SLITRK5: variants seen among roughly 807,000 people sequenced by gnomAD.
SLITRK5 encodes the protein SLIT and NTRK-like protein 5.
Under a neutral mutation model 56.2 loss-of-function variants are expected in SLITRK5, and 23 were observed. That is an observed-to-expected ratio of 0.41 (90% CI 0.29 to 0.58). The LOEUF (loss-of-function observed/expected upper bound fraction) is 0.58. SLITRK5 is among the 20% of genes least tolerant of loss of function. The pLI is 0.30. For missense variants in SLITRK5, 1,289 were observed against 1,226.6 expected (o/e 1.05, Z -0.76); for synonymous variants, 637 against 531.8 (o/e 1.20, Z -2.72).
Position 87,679,192 on chromosome 13 carries a change from AT to A in SLITRK5, c.*931del, listed in dbSNP as rs1877434570. 3 of 167,096 alleles carry A rather than the reference AT, an allele frequency of 1.8e-5. No individual in the cohort carries two copies. In the South Asian group the frequency reaches 6.2e-4, roughly 35 times the overall value. The allele number at this position is 167,096 out of a possible 1,614,324, so 10.4% of individuals were successfully genotyped here. ...ATGCAACCCACCCAATTGAATCTGCATTTTCTTTTAAGAAAACAGAGCTGAT... is the reference window on the plus strand; with the variant it reads ...ATGCAACCCACCCAATTGAATCTGCATTTCTTTTAAGAAAACAGAGCTGAT... On this transcript the variant is annotated 3_prime_UTR_variant, in exon 2 of 2. Coordinates refer to ENST00000683689, the MANE Select transcript of SLITRK5 (RefSeq NM_001384609.1).
rs767330718 is a variant in SLITRK5 at position 87,677,743 on chromosome 13, C to G, written c.2355C>G (p.Thr785=). The change falls in exon 2 of 2, where the codon ACC becomes ACG. Residue 785 remains threonine, a synonymous_variant. Transcript: ENST00000683689. The surrounding 1 kb of genome is among the most constrained non-coding windows in gnomAD (Gnocchi z 4.7). ...AAGACCTGCACGAGCTCAAGGTCAC[C>G]TACAGCAGCAACCACCACCTGCAGC... ...DYKDLHELKV[T]YSSNHHLQQQ... 3.0e-5 allele frequency: 48 copies of G among 1,612,858 alleles called. 1 individual carries two copies. The South Asian group carries it at 5.3e-4, about 18-fold the overall frequency.
In SLITRK5 at chr13:87,677,599, G is replaced by A; in HGVS notation, c.2211G>A (p.Ala737=). The change falls in exon 2 of 2, where the codon GCG becomes GCA. Residue 737 remains alanine, a synonymous_variant. Coordinates refer to ENST00000683689, the MANE Select transcript of SLITRK5 (RefSeq NM_001384609.1). The surrounding 1 kb of genome is among the most constrained non-coding windows in gnomAD (Gnocchi z 4.7). ...PHAHVHHRGP[A]LPKVKTPAGH... ...CGCACGTGCATCACCGCGGGCCCGC[G>A]CTGCCCAAGGTGAAGACGCCCGCGG... The A allele has an allele frequency of 1.2e-6, 2 of 1,609,690 alleles. No individual in the cohort carries two copies. The highest frequency in any genetic ancestry group is 1.7e-6 in the Non-Finnish European group (2 of 1,177,102).
In SLITRK5 at chr13:87,675,512, G is replaced by T; in HGVS notation, c.124G>T (p.Asp42Tyr). ...SLVLSCAETIDYYGEICDNAC... is the reference protein window; with the variant it reads ...SLVLSCAETIYYYGEICDNAC... ...CGTCCTTTCGTGTGCAGAAACCATC[G>T]ATTATTATGGGGAAATCTGTGACAA... The change falls in exon 2 of 2, where the codon GAT becomes TAT. Residue 42 changes from aspartate (D) to tyrosine (Y), a missense_variant. This residue lies in a region of SLITRK5 where 291 missense variants were observed against 286.7 expected (regional missense o/e 1.02). Coordinates refer to ENST00000683689, the MANE Select transcript of SLITRK5 (RefSeq NM_001384609.1). The T allele has an allele frequency of 6.2e-7, 1 of 1,614,118 alleles. No homozygotes were observed.
At chr13:87,675,156 G>C (rs558256459) in intron 1 of SLITRK5, among the ~76,000 whole-genome samples, 104 of 152,210 alleles carry the variant, frequency 6.8e-4, no homozygotes, top group African/African-American at 2.4e-3. Context: ...CAGCATATTT[G>C]TGGTGTGCTC....
At position 87,672,158 on chromosome 13, in the gene SLITRK5, G is replaced by T. The variant is rs1027063904; in HGVS notation, c.-60G>T. ...GAGGAGCCAGAGGAGGCTGGAGGGG[G>T]CGGCGGCCACAGCTGGGTCGGAGAA... On this transcript the variant is annotated 5_prime_UTR_variant, in exon 1 of 2. Coordinates refer to ENST00000683689, the MANE Select transcript of SLITRK5 (RefSeq NM_001384609.1). Among the ~76,000 whole-genome samples, 1 of 152,136 alleles carries T rather than the reference G, an allele frequency of 6.6e-6. No homozygotes were observed. Among genetic ancestry groups the T allele is most frequent in the African/African-American group, 2.4e-5 (1 of 41,448 alleles).
In SLITRK5 at chr13:87,676,015, G is replaced by A. The variant is rs1401084846; in HGVS notation, c.627G>A (p.Gly209=). 5 of 1,614,114 alleles carry A rather than the reference G, an allele frequency of 3.1e-6. No homozygotes were observed. The highest frequency in any genetic ancestry group is 1.7e-5 in the Admixed American group (1 of 60,022). ...CCTTAACGCACTTGGACCTCCGGGG[G>A]AACCGGCTGAAACTTCTGCCCTACG... ...FVPLTHLDLR[G]NRLKLLPYVG... is the part of the protein sequence containing the mutation. The change falls in exon 2 of 2, where the codon GGG becomes GGA. Residue 209 remains glycine, a synonymous_variant. Coordinates refer to ENST00000683689, the MANE Select transcript of SLITRK5 (RefSeq NM_001384609.1).
chr13:87,677,440 C>T lies in SLITRK5; in HGVS notation c.2052C>T (p.Leu684=). ...TGTCCGTCTTCGTGGCCGCCGGGCT[C>T]TTCGTGCTGGTCATGAAGCGCAGGA... The part of the protein sequence containing the change: ...FIMSVFVAAG[L]FVLVMKRRKK... Residue 684 remains leucine, a synonymous_variant, in exon 2 of 2, where the codon CTC becomes CTT. Transcript: ENST00000683689. This position sits in a 1 kb window ranked among gnomAD's most constrained non-coding sequence, Gnocchi z 4.7. The T allele has an allele frequency of 2.5e-6, 4 of 1,613,210 alleles. No individual in the cohort carries two copies. Among genetic ancestry groups the T allele is most frequent in the Non-Finnish European group, 3.4e-6 (4 of 1,180,018 alleles).
At position 87,677,139 on chromosome 13, in the gene SLITRK5, G is replaced by C. The variant is rs1264002973; in HGVS notation, c.1751G>C (p.Gly584Ala). Reference sequence around the variant, plus strand: ...CTGTGGGTGGAGCAGCTCAAAGTGGGCGTCCTAGTGGACGAGGTGATCTGT... The same window carrying C: ...CTGTGGGTGGAGCAGCTCAAAGTGGCCGTCCTAGTGGACGAGGTGATCTGT... The part of the protein sequence containing the change: ...MKLWVEQLKV[G>A]VLVDEVICKA... Residue 584 changes from glycine (G) to alanine (A), a missense_variant, in exon 2 of 2, where the codon GGC becomes GCC. Around this residue, in one of 3 missense-constraint regions of SLITRK5, gnomAD observed 985 missense variants for 906.0 expected, o/e 1.09. Coordinates refer to ENST00000683689, the MANE Select transcript of SLITRK5 (RefSeq NM_001384609.1). This position sits in a 1 kb window ranked among gnomAD's most constrained non-coding sequence, Gnocchi z 4.7. 4 of 1,614,086 alleles carry C rather than the reference G, an allele frequency of 2.5e-6. No individual in the cohort carries two copies. The African/African-American group carries it at 4.0e-5, about 16-fold the overall frequency.
At chr13:87,674,298 G>C (rs1877176739) in intron 1 of SLITRK5, 1 of 616,716 alleles carries the variant, frequency 1.6e-6, no homozygotes, top group Admixed American at 6.3e-5. Flanking sequence ...AGAGAGGGGA[G>C]CGTTAACAAT....
rs894020934 is a variant in SLITRK5 at position 87,679,233 on chromosome 13, T to A, written c.*968T>A. 2 of 167,098 alleles carry A rather than the reference T, an allele frequency of 1.2e-5. No homozygotes were observed. Among genetic ancestry groups the A allele is most frequent in the African/African-American group, 4.8e-5 (2 of 41,466 alleles). 10.4% of individuals were successfully genotyped at this position (167,098 alleles called of 1,614,324 possible). ...ACAGAGCTGATTGTATCCCAATGTA[T>A]TTTAAAAAATAGGGCAATTGATTGG... On this transcript the variant is annotated 3_prime_UTR_variant, in exon 2 of 2. Transcript: ENST00000683689.
Position 87,677,527 on chromosome 13 carries a change from G to C in SLITRK5, c.2139G>C (p.Gln713His). The change falls in exon 2 of 2, where the codon CAG (glutamine) becomes CAC (histidine). Residue 713 changes from glutamine to histidine, a missense_variant. This residue lies in a region of SLITRK5 where 985 missense variants were observed against 906.0 expected (regional missense o/e 1.09). Transcript: ENST00000683689. This position sits in a 1 kb window ranked among gnomAD's most constrained non-coding sequence, Gnocchi z 4.7. ...CCGACGTGAGCTCCTTTAACATGCA[G>C]TACAGCGTGTACGGCGGCGGCGGCG... Reference protein sequence around the residue: ...NNSDVSSFNMQYSVYGGGGGT... With the variant: ...NNSDVSSFNMHYSVYGGGGGT... The C allele has an allele frequency of 6.2e-7, 1 of 1,609,392 alleles. No homozygotes were observed. Among genetic ancestry groups the C allele is most frequent in the African/African-American group, 1.3e-5 (1 of 74,954 alleles).
chr13:87,674,394 G>A, intron 1 of SLITRK5: 2 of 985,324 alleles, frequency 2.0e-6, no homozygotes. Flanking sequence ...GCAAATAGAC[G>A]CGGAGCCCAA....
At position 87,675,076 on chromosome 13, in the gene SLITRK5, T is replaced by C. The variant is rs137871509; in HGVS notation, c.-8-305T>C. ...CATTTTATGTATATTTATGGATTGG[T>C]TTTGAAAAGGGGGGGAGAAGAGAAA... On this transcript the variant is annotated intron_variant, in intron 1 of 1. Coordinates refer to ENST00000683689, the MANE Select transcript of SLITRK5 (RefSeq NM_001384609.1). 5.8e-3 allele frequency among the ~76,000 whole-genome samples: 882 copies of C among 151,180 alleles called. 13 individuals carry two copies. Among genetic ancestry groups the C allele is most frequent in the African/African-American group, 0.02 (812 of 41,244 alleles).
rs966990794 is a variant in SLITRK5, at chr13:87,677,620, C to T, written c.2232C>T (p.Pro744=). The change falls in exon 2 of 2, where the codon CCC becomes CCT. Residue 744 remains proline, a synonymous_variant. Transcript: ENST00000683689. The surrounding 1 kb of genome is among the most constrained non-coding windows in gnomAD (Gnocchi z 4.7). ...CCGCGCTGCCCAAGGTGAAGACGCC[C>T]GCGGGCCACGTGTATGAATACATCC... ...RGPALPKVKT[P]AGHVYEYIPH... 1.9e-6 allele frequency: 3 copies of T among 1,609,532 alleles called. No homozygotes were observed. The highest frequency in any genetic ancestry group is 2.5e-6 in the Non-Finnish European group (3 of 1,176,914).
At chr13:87,673,719 A>T in intron 1 of SLITRK5, 1 of 437,926 alleles carries the variant, frequency 2.3e-6, no homozygotes, top group Non-Finnish European at 4.6e-6. Context: ...GGGTGGCCAC[A>T]CGTGAATGAT....
chr13:87,675,334 AT>A (rs1171016666), intron 1 of SLITRK5, 46 bp from the exon 2 acceptor site: 1 of 1,405,254 alleles, frequency 7.1e-7, no homozygotes, highest in Non-Finnish European at 9.9e-7. Context: ...GATCCCTTAA[AT>A]TTTTGTCATA....
At position 87,671,903 on chromosome 13, in the gene SLITRK5, G is replaced by A. The variant is rs1259265861; in HGVS notation, c.-315G>A. ...CGCAGGAGCTGCAGCCGCCGCCTTC[G>A]CTGGAGCAGCCGAGGGGCCGGTGCC... On this transcript the variant is annotated 5_prime_UTR_variant, in exon 1 of 2. Coordinates refer to ENST00000683689, the MANE Select transcript of SLITRK5 (RefSeq NM_001384609.1). Among the ~76,000 whole-genome samples, 2 of 152,110 alleles carry A rather than the reference G, an allele frequency of 1.3e-5. No individual in the cohort carries two copies. The highest frequency in any genetic ancestry group is 4.8e-5 in the African/African-American group (2 of 41,450).
chr13:87,677,204 A>C lies in SLITRK5; in HGVS notation c.1816A>C (p.Ile606Leu), dbSNP rs1308852977. Residue 606 changes from isoleucine to leucine, a missense_variant, in exon 2 of 2, where the codon ATT becomes CTT. Ile to Leu is a conservative substitution (Grantham distance 5). This residue lies in a region of SLITRK5 where 985 missense variants were observed against 906.0 expected (regional missense o/e 1.09). Transcript: ENST00000683689. The surrounding 1 kb of genome is among the most constrained non-coding windows in gnomAD (Gnocchi z 4.7). ...KKFAETDMRS[I>L]KSELLCPDYS... is the part of the protein sequence containing the mutation. The stretch of plus-strand genomic sequence containing the variant: ...ATTCGCTGAGACCGACATGCGCTCC[A>C]TTAAGTCGGAGCTGCTGTGCCCTGA... 1.2e-6 allele frequency: 2 copies of C among 1,614,076 alleles called. No homozygotes were observed. Among genetic ancestry groups the C allele is most frequent in the Non-Finnish European group, 1.7e-6 (2 of 1,180,042 alleles).
rs771108107 is a variant in SLITRK5 at position 87,677,463 on chromosome 13, GGAA to G, written c.2082_2084del (p.Lys694del). 39 of 1,612,592 alleles carry G rather than the reference GGAA, an allele frequency of 2.4e-5. No homozygotes were observed. In the Admixed American group the frequency reaches 6.3e-4, roughly 26 times the overall value. ...CTCTTCGTGCTGGTCATGAAGCGCA[GGAA>G]GAAGAACCAGAGCGACCACACCAGC... is the stretch of plus-strand genomic sequence containing the variant. On this transcript the variant is annotated inframe_deletion, in exon 2 of 2. Coordinates refer to ENST00000683689, the MANE Select transcript of SLITRK5 (RefSeq NM_001384609.1). This position sits in a 1 kb window ranked among gnomAD's most constrained non-coding sequence, Gnocchi z 4.7.
Sources: gnomAD v4.1 joint callset for allele counts (sites outside exome capture counted in the v4.1 genomes callset) on GRCh38, gnomAD v4.1.1 for gene constraint, gnomAD v4.1.1 regional missense constraint, Gnocchi (gnomAD v3.1) non-coding constraint, MANE v1.5 for transcripts, NCBI Gene and HGNC (gene_info 2026-07-23, HGNC 2026-07-21) for gene names.